Variants in DPAGT1 observed in about 807,000 individuals in gnomAD.
The protein encoded by DPAGT1 is dolichyl-phosphate N-acetylglucosaminephosphotransferase 1.
DPAGT1 carries 25 observed loss-of-function variants against 39.3 expected under a neutral mutation model. The observed-to-expected ratio is 0.64, with a 90% CI of 0.46 to 0.89. The LOEUF (loss-of-function observed/expected upper bound fraction) is 0.89, where lower values mean the gene tolerates loss of function less well. DPAGT1 is among the 40% of genes least tolerant of loss of function. The pLI, the probability that DPAGT1 is intolerant of heterozygous loss-of-function variation, is 0.00. For missense variants in DPAGT1, 381 were observed against 500.6 expected (o/e 0.76, Z 2.28); for synonymous variants, 193 against 201.4 (o/e 0.96, Z 0.36).
chr11:119,101,811 C>A lies in DPAGT1; in HGVS notation c.-156G>T, dbSNP rs772260853. On this transcript the variant is annotated 5_prime_UTR_variant, in exon 1 of 9. Transcript: ENST00000354202. The stretch of plus-strand genomic sequence containing the variant: ...AACCCAGCAACTCTGACTTGAGCCG[C>A]CGTCGGGACACCGGGGAACCTCTCT... 1.7e-5 allele frequency: 26 copies of A among 1,514,458 alleles called. No individual in the cohort carries two copies. Among genetic ancestry groups the A allele is most frequent in the Non-Finnish European group, 2.2e-5 (25 of 1,132,386 alleles). The allele number at this position is 1,514,458 out of a possible 1,614,324, so 93.8% of individuals were successfully genotyped here.
At position 119,101,030 on chromosome 11, in the gene DPAGT1, G is replaced by A. The variant is rs780625734; in HGVS notation, c.270C>T (p.Phe90=). Residue 90 remains phenylalanine (F), a synonymous_variant, in exon 2 of 9, where the codon TTC becomes TTT. Coordinates refer to ENST00000354202, the MANE Select transcript of DPAGT1 (RefSeq NM_001382.4). ...NCFVKEQCKA[F]PHHEFVALIG... ...CGAACCCACTTACTTCATGGTGGGG[G>A]AATGCCTTACACTGCTCCTTCACAA... 100 of 1,614,070 alleles carry A rather than the reference G, an allele frequency of 6.2e-5. No homozygotes were observed. Among genetic ancestry groups the A allele is most frequent in the Non-Finnish European group, 8.5e-5 (100 of 1,180,056 alleles).
chr11:119,101,846 T>C lies in DPAGT1; in HGVS notation c.-191A>G. 6.8e-7 allele frequency: 1 copy of C among 1,461,060 alleles called. No individual in the cohort carries two copies. The highest frequency in any genetic ancestry group is 9.0e-7 in the Non-Finnish European group (1 of 1,108,160). The allele number at this position is 1,461,060 out of a possible 1,614,324, so 90.5% of individuals were successfully genotyped here. A position where few individuals can be genotyped will look rare whatever the true frequency, so the allele number is the denominator to read the frequency against. On this transcript the variant is annotated 5_prime_UTR_variant, in exon 1 of 9. It adds an upstream start codon to the 5' untranslated region. Coordinates refer to ENST00000354202, the MANE Select transcript of DPAGT1 (RefSeq NM_001382.4). ...ACCGGGGAACCTCTCTAAGGCAACC[T>C]ATGTTCTGCCCCGCTGCACCCGCCT...
At position 119,098,923 on chromosome 11, in the gene DPAGT1, A is replaced by G. The variant is rs534981540; in HGVS notation, c.644-436T>C. On this transcript the variant is annotated intron_variant, in intron 4 of 8. Transcript: ENST00000354202. ...ACACTTGTTGATGTTCATCAGCCAA[A>G]GACCATCAGAAACACATCTATAGTT... Among the ~76,000 whole-genome samples, 5 of 152,374 alleles carry G rather than the reference A, an allele frequency of 3.3e-5. 1 individual carries two copies. The South Asian group carries it at 1.0e-3, about 32-fold the overall frequency.
chr11:119,097,466 TTAAAA>T lies in DPAGT1; in HGVS notation c.998_1002del (p.Ile333LysfsTer15). The T allele has an allele frequency of 6.2e-7, 1 of 1,614,194 alleles. No homozygotes were observed. Among genetic ancestry groups the T allele is most frequent in the Non-Finnish European group, 8.5e-7 (1 of 1,180,034 alleles). ...TTACCTCCTTGTTACCCTGTTACCT[TTAAAA>T]TAAAGGTGCCCAAGAAAGAGAGGCT... On this transcript the variant is annotated frameshift_variant, in exon 7 of 9. Coordinates refer to ENST00000354202, the MANE Select transcript of DPAGT1 (RefSeq NM_001382.4). LOFTEE classifies it high-confidence loss of function. This position sits in a 1 kb window ranked among gnomAD's most constrained non-coding sequence, Gnocchi z 4.6.
downstream of DPAGT1, chr11:119,094,415 G>C (rs879344522): frequency 6.6e-6 from 1 of 152,284 alleles, no homozygotes; most frequent in African/African-American, 2.4e-5. Context: ...CCACGCCGGG[G>C]GGGTACCAGA....
chr11:119,097,336 C>G lies in DPAGT1; in HGVS notation c.1006-39G>C. ...AGGTGAAGAGAACCTCAGCTAATAC[C>G]TATGCTTTAGGAATGTGGATCTATT... On this transcript the variant is annotated intron_variant, in intron 7 of 8. Transcript: ENST00000354202. The surrounding 1 kb of genome is among the most constrained non-coding windows in gnomAD (Gnocchi z 4.6). 1 of 1,613,938 alleles carries G rather than the reference C, an allele frequency of 6.2e-7. No individual in the cohort carries two copies. The highest frequency in any genetic ancestry group is 1.1e-5 in the South Asian group (1 of 91,046).
rs951925000 is a variant in DPAGT1 at position 119,096,670 on chromosome 11, TGA to T, written c.*326_*327del. The T allele has an allele frequency of 2.3e-5, 10 of 431,070 alleles. No homozygotes were observed. The highest frequency in any genetic ancestry group is 1.4e-4 in the African/African-American group (7 of 49,976). 26.7% of individuals were successfully genotyped at this position (431,070 alleles called of 1,614,324 possible). On this transcript the variant is annotated 3_prime_UTR_variant, in exon 9 of 9. Coordinates refer to ENST00000354202, the MANE Select transcript of DPAGT1 (RefSeq NM_001382.4). Reference sequence around the variant, plus strand: ...TCTATCCCAAAAACCAGTGGTTCCTTGAGAGTCAGGACTCTGAAATGTGAGTG... The same window carrying T: ...TCTATCCCAAAAACCAGTGGTTCCTTGAGTCAGGACTCTGAAATGTGAGTG...
chr11:119,096,596 T>C lies in DPAGT1; in HGVS notation c.*402A>G, dbSNP rs958035813. On this transcript the variant is annotated 3_prime_UTR_variant, in exon 9 of 9. Transcript: ENST00000354202. ...ACTAATCAGAACACTTAATTTACAA[T>C]CAAATGACATGTCACCGTGGAGCCT... 5 of 327,320 alleles carry C rather than the reference T, an allele frequency of 1.5e-5. No individual in the cohort carries two copies. Among genetic ancestry groups the C allele is most frequent in the Non-Finnish European group, 2.3e-5 (4 of 172,942 alleles). The allele number at this position is 327,320 out of a possible 1,614,324, so 20.3% of individuals were successfully genotyped here. A position where few individuals can be genotyped will look rare whatever the true frequency, so the allele number is the denominator to read the frequency against.
At position 119,097,444 on chromosome 11, in the gene DPAGT1, C is replaced by T. The variant is rs753712106; in HGVS notation, c.1005+20G>A. 3.7e-6 allele frequency: 6 copies of T among 1,614,082 alleles called. No homozygotes were observed. In the South Asian group the frequency reaches 6.6e-5, roughly 18 times the overall value. On this transcript the variant is annotated intron_variant, in intron 7 of 8. Transcript: ENST00000354202. This position sits in a 1 kb window ranked among gnomAD's most constrained non-coding sequence, Gnocchi z 4.6. ...GTCAGGATGGCAGCCTAGGGCCTTACCTCCTTGTTACCCTGTTACCTTTAA... is the reference window on the plus strand; with the variant it reads ...GTCAGGATGGCAGCCTAGGGCCTTATCTCCTTGTTACCCTGTTACCTTTAA...
chr11:119,095,180 C>A, downstream of DPAGT1: 1 of 1,614,044 alleles, frequency 6.2e-7, no homozygotes, highest in Non-Finnish European at 8.5e-7. Context: ...CTTGTTGTCG[C>A]GGGCCGCATT....
rs1208126477 is a variant in DPAGT1, at chr11:119,101,823, C to G, written c.-168G>C. On this transcript the variant is annotated 5_prime_UTR_variant, in exon 1 of 9. Coordinates refer to ENST00000354202, the MANE Select transcript of DPAGT1 (RefSeq NM_001382.4). ...CTGACTTGAGCCGCCGTCGGGACAC[C>G]GGGGAACCTCTCTAAGGCAACCTAT... 6.7e-7 allele frequency: 1 copy of G among 1,497,740 alleles called. No homozygotes were observed. Among genetic ancestry groups the G allele is most frequent in the African/African-American group, 1.4e-5 (1 of 72,050 alleles). The allele number at this position is 1,497,740 out of a possible 1,614,324, so 92.8% of individuals were successfully genotyped here. A position where few individuals can be genotyped will look rare whatever the true frequency, so the allele number is the denominator to read the frequency against.
At chr11:119,095,137 C>T (rs1234182321), downstream of DPAGT1, 4 of 1,613,924 alleles carry the variant, frequency 2.5e-6, no homozygotes, top group Non-Finnish European at 3.4e-6. Context: ...TGCGGATGGC[C>T]AGCTGCAGGT....
At position 119,097,086 on chromosome 11, in the gene DPAGT1, G is replaced by A; in HGVS notation, c.1162-23C>T. ...GATCTGCAAGGAGAAATGGACTGGA[G>A]TAAGAATCACGCAGAAAGGGAGACA... On this transcript the variant is annotated intron_variant, in intron 8 of 8. Coordinates refer to ENST00000354202, the MANE Select transcript of DPAGT1 (RefSeq NM_001382.4). The surrounding 1 kb of genome is among the most constrained non-coding windows in gnomAD (Gnocchi z 4.6). The A allele has an allele frequency of 1.2e-6, 2 of 1,614,212 alleles. No individual in the cohort carries two copies. The highest frequency in any genetic ancestry group is 1.7e-5 in the Admixed American group (1 of 60,034).
Position 119,097,878 on chromosome 11 carries a change from G to A in DPAGT1, c.894C>T (p.Pro298=), listed in dbSNP as rs1320649743. Residue 298 remains proline, a synonymous_variant, in exon 6 of 9, where the codon CCC becomes CCT. Coordinates refer to ENST00000354202, the MANE Select transcript of DPAGT1 (RefSeq NM_001382.4). The surrounding 1 kb of genome is among the most constrained non-coding windows in gnomAD (Gnocchi z 4.6). ...YSLPQLLHII[P]CPRHRIPRLN... is the part of the protein sequence containing the mutation. ...ACCTGGGTATGCGGTGGCGAGGGCA[G>A]GGGATGATATGCAGGAGCTGAGGCA... 1.2e-6 allele frequency: 2 copies of A among 1,614,000 alleles called. No homozygotes were observed. The highest frequency in any genetic ancestry group is 1.3e-5 in the African/African-American group (1 of 74,932).
rs1290009287 is a variant in DPAGT1 at position 119,100,762 on chromosome 11, A to C, written c.364T>G (p.Trp122Gly). The C allele has an allele frequency of 6.2e-7, 1 of 1,614,212 alleles. No homozygotes were observed. The highest frequency in any genetic ancestry group is 1.1e-5 in the South Asian group (1 of 91,080). ...GFADDVLNLR[W>G]RHKLLLPTAA... is the part of the protein sequence containing the mutation. ...GTAGGTAGCAGCAGCTTATGGCGCC[A>C]GCGCAGATTCAGTACATCATCCGCA... Residue 122 changes from tryptophan to glycine, a missense_variant, in exon 3 of 9, where the codon TGG becomes GGG. By Grantham distance (184) the Trp-to-Gly change is radical. Coordinates refer to ENST00000354202, the MANE Select transcript of DPAGT1 (RefSeq NM_001382.4).
In DPAGT1 at chr11:119,097,555, C is replaced by T. The variant is rs201656540; in HGVS notation, c.918-4G>A. The T allele has an allele frequency of 5.2e-4, 834 of 1,614,060 alleles. No individual in the cohort carries two copies. The highest frequency in any genetic ancestry group is 3.6e-4 in the Non-Finnish European group (428 of 1,179,986). ...TTTGCCTGTCTTGATATTGAGTCTG[C>T]GGGGGGAAGATAGCTTCATGTGACT... is the stretch of plus-strand genomic sequence containing the variant. On this transcript the variant is annotated splice_polypyrimidine_tract_variant and splice_region_variant and intron_variant, in intron 6 of 8. Coordinates refer to ENST00000354202, the MANE Select transcript of DPAGT1 (RefSeq NM_001382.4). The surrounding 1 kb of genome is among the most constrained non-coding windows in gnomAD (Gnocchi z 4.6).
At position 119,101,839 on chromosome 11, in the gene DPAGT1, G is replaced by A. The variant is rs950570003; in HGVS notation, c.-184C>T. ...TCGGGACACCGGGGAACCTCTCTAA[G>A]GCAACCTATGTTCTGCCCCGCTGCA... On this transcript the variant is annotated 5_prime_UTR_variant, in exon 1 of 9. Coordinates refer to ENST00000354202, the MANE Select transcript of DPAGT1 (RefSeq NM_001382.4). The A allele has an allele frequency of 9.5e-6, 14 of 1,475,956 alleles. No individual in the cohort carries two copies. Among genetic ancestry groups the A allele is most frequent in the Admixed American group, 6.5e-5 (3 of 45,992 alleles). The allele number at this position is 1,475,956 out of a possible 1,614,324, so 91.4% of individuals were successfully genotyped here. A position where few individuals can be genotyped will look rare whatever the true frequency, so the allele number is the denominator to read the frequency against.
Position 119,100,423 on chromosome 11 carries a change from G to A in DPAGT1, c.497-15C>T. The A allele has an allele frequency of 6.2e-7, 1 of 1,614,154 alleles. No homozygotes were observed. Among genetic ancestry groups the A allele is most frequent in the Non-Finnish European group, 8.5e-7 (1 of 1,180,032 alleles). ...GTACAGGATTCCTGCGGGGAGAGAT[G>A]GTAGGAAAAGAAGTAGTGCCACCTA... On this transcript the variant is annotated splice_polypyrimidine_tract_variant and intron_variant, in intron 3 of 8. Transcript: ENST00000354202.
chr11:119,095,412 G>A (rs28990980), downstream of DPAGT1: 5,284 of 1,514,954 alleles, frequency 3.5e-3, 16 homozygotes, highest in Non-Finnish European at 4.3e-3. Flanking sequence ...AGGTAGACCG[G>A]TGAAGCACGA....
Sources: gnomAD v4.1 joint callset for allele counts (sites outside exome capture counted in the v4.1 genomes callset) on GRCh38, gnomAD v4.1.1 for gene constraint, Gnocchi (gnomAD v3.1) non-coding constraint, MANE v1.5 for transcripts, NCBI Gene and HGNC (gene_info 2026-07-23, HGNC 2026-07-21) for gene names.